GSN: variants seen among roughly 807,000 people sequenced by gnomAD.
The protein encoded by GSN is actin-depolymerizing factor.
A neutral mutation model predicts 85.7 loss-of-function variants in GSN; 56 were observed. The observed-to-expected ratio is 0.65, with a 90% CI of 0.53 to 0.82. The LOEUF is 0.82. GSN is among the 40% of genes least tolerant of loss of function. GSN has a pLI of 0.00. For missense variants in GSN, 857 were observed against 979.8 expected, an observed-to-expected ratio of 0.87 and a Z score of 1.67; for synonymous variants, 373 against 399.1, an observed-to-expected ratio of 0.93 and a Z score of 0.78.
At chr9:121,231,892 C>A (rs2054396266) in intron 5 of GSN, among the ~76,000 whole-genome samples, 4 of 152,108 alleles carry the variant, frequency 2.6e-5, no homozygotes, top group Admixed American at 2.6e-4. Context: ...CATGGTGAAA[C>A]CCCGTGTCTA....
At chr9:121,292,735 G>T (rs1000580665) in intron 2 of GSN, among the ~76,000 whole-genome samples, 6 of 152,146 alleles carry the variant, frequency 3.9e-5, no homozygotes, top group Non-Finnish European at 4.4e-5. Context: ...AAGGTCACTT[G>T]TCCTCACCCT....
At chr9:121,236,421 C>T (rs753078438) in intron 5 of GSN, among the ~76,000 whole-genome samples, 3 of 151,920 alleles carry the variant, frequency 2.0e-5, no homozygotes, top group East Asian at 1.9e-4. Flanking sequence ...GGTTTCACCA[C>T]GTTGGCTGGT....
intron 11 of GSN, among the ~76,000 whole-genome samples, chr9:121,322,729 G>A (rs1341653638): frequency 1.3e-5 from 2 of 151,880 alleles, no homozygotes; most frequent in Admixed American, 6.6e-5. Context: ...ACTTTTGGGC[G>A]TTTGCCAATC....
chr9:121,274,818 A>G (rs2056466059), intron 1 of GSN, among the ~76,000 whole-genome samples: 1 of 152,242 alleles, frequency 6.6e-6, no homozygotes, highest in Non-Finnish European at 1.5e-5. Context: ...GAGGATGAGG[A>G]GCCTGATCAG....
chr9:121,304,671 T>C (rs1293343643), intron 4 of GSN, among the ~76,000 whole-genome samples: 1 of 152,234 alleles, frequency 6.6e-6, no homozygotes, highest in African/African-American at 2.4e-5. Context: ...CTATGGCAGA[T>C]ATGGTACTGG....
At chr9:121,300,064 GAT>G (rs752978297) in intron 2 of GSN, 1 of 1,608,710 alleles carries the variant, frequency 6.2e-7, no homozygotes, top group African/African-American at 1.3e-5. Flanking sequence ...AGTTCTTGCA[GAT>G]ACAGCGCTAG....
At chr9:121,294,891 A>T (rs2059064700) in intron 2 of GSN, among the ~76,000 whole-genome samples, 1 of 152,114 alleles carries the variant, frequency 6.6e-6, no homozygotes, top group Admixed American at 6.5e-5. Flanking sequence ...GCTCTGAACA[A>T]CATACTCCAA....
At chr9:121,312,309 G>C in intron 5 of GSN, 30 bp from the exon 6 acceptor site, 1 of 1,613,374 alleles carries the variant, frequency 6.2e-7, no homozygotes, top group African/African-American at 1.3e-5. Flanking sequence ...GGAAGGCGGG[G>C]CACTGACTTC....
intron 5 of GSN, among the ~76,000 whole-genome samples, chr9:121,241,994 G>C (rs778103587): frequency 4.6e-5 from 7 of 152,186 alleles, no homozygotes; most frequent in Non-Finnish European, 5.9e-5. Flanking sequence ...TCAAAATGTA[G>C]TGCCAGCAAT....
intron 6 of GSN, among the ~76,000 whole-genome samples, chr9:121,257,330 CA>C (rs1252059916): frequency 3.9e-5 from 6 of 152,132 alleles, no homozygotes; most frequent in Admixed American, 6.5e-5. Context: ...CCATTTAATC[CA>C]CATACCAATT....
Position 121,312,423 on chromosome 9 carries a change from G to A in GSN, c.598G>A (p.Glu200Lys), listed in dbSNP as rs777277538. The A allele has an allele frequency of 3.1e-6, 5 of 1,614,162 alleles. No individual in the cohort carries two copies. Among genetic ancestry groups the A allele is most frequent in the South Asian group, 1.1e-5 (1 of 91,080 alleles). ...TQVSKGIRDNERSGRARVHVS... is the reference protein window; with the variant it reads ...TQVSKGIRDNKRSGRARVHVS... ...GGTGTCCAAGGGCATCCGGGACAAC[G>A]AGCGGAGTGGCCGGGCCCGAGTGCA... is the stretch of plus-strand genomic sequence containing the variant. The change falls in exon 6 of 18, where the codon GAG becomes AAG. Residue 200 changes from glutamate (E) to lysine (K), a missense_variant. Coordinates refer to ENST00000432226, the MANE Select transcript of GSN (RefSeq NM_198252.3).
upstream of GSN, among the ~76,000 whole-genome samples, chr9:121,263,137 G>A (rs1303847091): frequency 6.6e-6 from 1 of 152,196 alleles, no homozygotes; most frequent in African/African-American, 2.4e-5. Context: ...TAAACGAAAG[G>A]CTCTTGGTGG....
chr9:121,300,178 G>C, intron 2 of GSN: 1 of 1,281,452 alleles, frequency 7.8e-7, no homozygotes, highest in South Asian at 1.2e-5. Flanking sequence ...GAGGGTGGGA[G>C]CCTCGGGGCC....
rs749989175 is a variant in GSN at position 121,299,982 on chromosome 9, C to T, written c.-9-1981C>T. ...GGGGGCGTCCCAGGCGGGGGCGCCC[C>T]AGGGGCGGGTGCCCGAGGCGCGGGT... On this transcript the variant is annotated intron_variant, in intron 2 of 17. Coordinates refer to ENST00000432226, the MANE Select transcript of GSN (RefSeq NM_198252.3). The surrounding 1 kb of genome is among the most constrained non-coding windows in gnomAD (Gnocchi z 4.2). 13 of 1,402,344 alleles carry T rather than the reference C, an allele frequency of 9.3e-6. No homozygotes were observed. In the African/African-American group the frequency reaches 1.6e-4, roughly 17 times the overall value. 86.9% of individuals were successfully genotyped at this position (1,402,344 alleles called of 1,614,324 possible). A position where few individuals can be genotyped will look rare whatever the true frequency, so the allele number is the denominator to read the frequency against.
chr9:121,225,730 C>T (rs751046938), intron 4 of GSN, among the ~76,000 whole-genome samples: 3 of 152,204 alleles, frequency 2.0e-5, no homozygotes, highest in Non-Finnish European at 4.4e-5. Context: ...TCTATTGAGA[C>T]CTGCATCTCC....
At chr9:121,273,113 A>AAAG (rs1334605054) in intron 1 of GSN, among the ~76,000 whole-genome samples, 1 of 152,202 alleles carries the variant, frequency 6.6e-6, no homozygotes, top group East Asian at 1.9e-4. Context: ...GACTCTTCCC[A>AAAG]AGAGTGATCC....
intron 10 of GSN, among the ~76,000 whole-genome samples, chr9:121,320,470 C>G (rs542714342): frequency 1.3e-5 from 2 of 152,158 alleles, no homozygotes; most frequent in African/African-American, 4.8e-5. Flanking sequence ...CATGGTGAAA[C>G]CCCGTCTCTA....
intron 6 of GSN, 46 bp from the exon 7 acceptor site, chr9:121,313,888 C>G (rs138021080): frequency 7.0e-7 from 1 of 1,434,454 alleles, no homozygotes; most frequent in East Asian, 2.3e-5. Flanking sequence ...GAGCCTGGCC[C>G]CTCCCTCACA....
At chr9:121,205,425 C>A (rs1414622352), upstream of GSN, among the ~76,000 whole-genome samples, 1 of 152,196 alleles carries the variant, frequency 6.6e-6, no homozygotes, top group Non-Finnish European at 1.5e-5. Flanking sequence ...GGATATCTAT[C>A]TGTTTGGGCA....
Sources: gnomAD v4.1 joint callset for allele counts (sites outside exome capture counted in the v4.1 genomes callset) on GRCh38, gnomAD v4.1.1 for gene constraint, Gnocchi (gnomAD v3.1) non-coding constraint, MANE v1.5 for transcripts, NCBI Gene and HGNC (gene_info 2026-07-23, HGNC 2026-07-21) for gene names.